Variants in DCT observed in about 807,000 individuals in gnomAD.
DCT encodes dopachrome tautomerase, also known as L-dopachrome tautomerase.
DCT carries 47 observed loss-of-function variants against 53.0 expected under a neutral mutation model. The ratio of observed to expected loss-of-function variants is 0.89; its 90% confidence interval spans 0.70 to 1.13. The LOEUF is 1.13. DCT is among the 50% of genes most tolerant of loss of function. The pLI is 0.00. For missense variants in DCT, 669 were observed against 637.4 expected (o/e 1.05, Z -0.53); for synonymous variants, 244 against 237.0 (o/e 1.03, Z -0.27).
chr13:94,442,619 G>A (rs569595286), intron 7 of DCT, among the ~76,000 whole-genome samples: 2 of 152,294 alleles, frequency 1.3e-5, no homozygotes, highest in African/African-American at 4.8e-5. Context: ...CCTCCCATAT[G>A]TTGAACCAAG....
At chr13:94,457,726 A>C (rs1404586530) in intron 6 of DCT, among the ~76,000 whole-genome samples, 1 of 152,224 alleles carries the variant, frequency 6.6e-6, no homozygotes, top group African/African-American at 2.4e-5. Context: ...TATTCAAGAC[A>C]TACAACTCAG....
chr13:94,457,023 G>T (rs544874191), intron 6 of DCT, among the ~76,000 whole-genome samples: 1 of 152,188 alleles, frequency 6.6e-6, no homozygotes, highest in Non-Finnish European at 1.5e-5. Context: ...CCAGCTACTC[G>T]GGAGGCTGAG....
chr13:94,510,799 A>T, the DCT span, among the ~76,000 whole-genome samples: 2 of 152,058 alleles, frequency 1.3e-5, no homozygotes, highest in African/African-American at 4.8e-5. Flanking sequence ...TCCAACCCAA[A>T]CACACATCTT....
intron 4 of DCT, 127 bp downstream of exon 4, chr13:94,465,506 T>G: frequency 1.3e-6 from 1 of 782,514 alleles, no homozygotes; most frequent in Non-Finnish European, 1.8e-6. Flanking sequence ...AGGAAAACTG[T>G]TTTTAGAAAC....
the DCT span, among the ~76,000 whole-genome samples, chr13:94,542,319 G>T: frequency 6.6e-6 from 1 of 152,118 alleles, no homozygotes; most frequent in South Asian, 2.1e-4. Context: ...CTCCCAAGTA[G>T]CTGGGACTAC....
At chr13:94,453,386 C>A (rs1189761358) in intron 6 of DCT, among the ~76,000 whole-genome samples, 2 of 151,940 alleles carry the variant, frequency 1.3e-5, no homozygotes, top group Non-Finnish European at 2.9e-5. Flanking sequence ...CTATTTTCAC[C>A]AACATTTCTG....
At chr13:94,483,241 C>T (rs1159836306), upstream of DCT, among the ~76,000 whole-genome samples, 1 of 151,358 alleles carries the variant, frequency 6.6e-6, no homozygotes, top group Non-Finnish European at 1.5e-5. Flanking sequence ...CACCACTGCA[C>T]TCCAGCCTGC....
the DCT span, among the ~76,000 whole-genome samples, chr13:94,547,984 A>AAAAAAAAATAT: frequency 7.6e-5 from 5 of 65,822 alleles, no homozygotes; most frequent in African/African-American, 6.4e-4. Flanking sequence ...AAAAAAAAAA[A>AAAAAAAAATAT]ATATATATAT....
intron 6 of DCT, among the ~76,000 whole-genome samples, chr13:94,447,434 G>A (rs1348268282): frequency 3.3e-5 from 5 of 152,180 alleles, no homozygotes; most frequent in African/African-American, 9.7e-5. Flanking sequence ...GACAGGAGGC[G>A]GAGCTCAAGT....
intron 1 of DCT, among the ~76,000 whole-genome samples, chr13:94,471,844 T>A (rs899645746): frequency 6.6e-6 from 1 of 152,174 alleles, no homozygotes; most frequent in Non-Finnish European, 1.5e-5. Context: ...CTGAGAAATT[T>A]GGATGATAAT....
At chr13:94,533,398 C>A in the DCT span, among the ~76,000 whole-genome samples, 1 of 151,940 alleles carries the variant, frequency 6.6e-6, no homozygotes, top group Non-Finnish European at 1.5e-5. Context: ...TGTGACAATC[C>A]TGTAAGACAG....
At chr13:94,539,397 T>C in the DCT span, among the ~76,000 whole-genome samples, 4 of 152,186 alleles carry the variant, frequency 2.6e-5, no homozygotes, top group Non-Finnish European at 5.9e-5. Flanking sequence ...TAAACAGGCA[T>C]CTGAGTGCAT....
At chr13:94,473,743 G>A (rs1884899126) in intron 1 of DCT, among the ~76,000 whole-genome samples, 1 of 152,178 alleles carries the variant, frequency 6.6e-6, no homozygotes, top group Admixed American at 6.5e-5. Context: ...TAATAAGAAA[G>A]CTTTCAACAT....
chr13:94,466,617 CT>C lies in DCT; in HGVS notation c.636del (p.Gly213AspfsTer60). 6.2e-7 allele frequency: 1 copy of C among 1,612,316 alleles called. No individual in the cohort carries two copies. Among genetic ancestry groups the C allele is most frequent in the Non-Finnish European group, 8.5e-7 (1 of 1,179,126 alleles). On this transcript the variant is annotated frameshift_variant, in exon 3 of 8. Transcript: ENST00000377028. LOFTEE classifies it high-confidence loss of function. Reference protein sequence around the residue: ...RPYRAIDFSHQGPAFVTWHRY... With the variant: ...RPYRAIDFSHXGPAFVTWHRY... Reference sequence around the variant, plus strand: ...CGGTGCCAGGTAACAAATGCAGGTCCTTGATGTGAGAAATCTATGGCCCTGT... The same window carrying C: ...CGGTGCCAGGTAACAAATGCAGGTCCTGATGTGAGAAATCTATGGCCCTGT...
intron 4 of DCT, 65 bp from the exon 5 acceptor site, chr13:94,462,254 T>C (rs1447659012): frequency 1.5e-6 from 2 of 1,292,120 alleles, no homozygotes; most frequent in Non-Finnish European, 2.2e-6. Flanking sequence ...ACGTCTGTAA[T>C]CCCAGCACTT....
At chr13:94,453,808 G>A (rs1883247522) in intron 6 of DCT, among the ~76,000 whole-genome samples, 2 of 152,124 alleles carry the variant, frequency 1.3e-5, no homozygotes, top group South Asian at 2.1e-4. Context: ...CACCATGATC[G>A]TGAGGTCTCC....
the DCT span, among the ~76,000 whole-genome samples, chr13:94,528,257 G>A: frequency 1.3e-5 from 2 of 152,132 alleles, no homozygotes; most frequent in African/African-American, 4.8e-5. Flanking sequence ...TAGCAAAGCA[G>A]GCCAACATTC....
Position 94,479,318 on chromosome 13 carries a change from C to A in DCT, c.-63G>T. The A allele has an allele frequency of 7.4e-7, 1 of 1,350,942 alleles. No homozygotes were observed. 83.7% of individuals were successfully genotyped at this position (1,350,942 alleles called of 1,614,324 possible). ...TTCCTTGTCTCTGTCGTACTTTTCT[C>A]CTTATCTTCTACTCTTTCAGTCTTT... On this transcript the variant is annotated 5_prime_UTR_variant, in exon 1 of 8. Coordinates refer to ENST00000377028, the MANE Select transcript of DCT (RefSeq NM_001922.5).
chr13:94,489,760 A>G, the DCT span, among the ~76,000 whole-genome samples: 1 of 85,318 alleles, frequency 1.2e-5, no homozygotes, highest in East Asian at 2.2e-4. Flanking sequence ...GGAATGATTA[A>G]TACACACACA....
Sources: gnomAD v4.1 joint callset for allele counts (sites outside exome capture counted in the v4.1 genomes callset) on GRCh38, gnomAD v4.1.1 for gene constraint, MANE v1.5 for transcripts, NCBI Gene and HGNC (gene_info 2026-07-23, HGNC 2026-07-21) for gene names.